SMC3: variants seen among roughly 807,000 people sequenced by gnomAD.
SMC3 encodes the protein structural maintenance of chromosomes 3.
Under a neutral mutation model 171.8 loss-of-function variants are expected in SMC3, and 20 were observed. That is an observed-to-expected ratio of 0.12 (90% CI 0.08 to 0.17). The LOEUF (loss-of-function observed/expected upper bound fraction) is 0.17. Ranked by LOEUF, SMC3 falls within the 10% of genes least tolerant of loss-of-function variation. The probability of loss-of-function intolerance (pLI) is 1.00; values close to 1 mark genes in which losing one functional copy is unlikely to be tolerated. For synonymous variants in SMC3, 464 were observed against 451.1 expected, an observed-to-expected ratio of 1.03 and a Z score of -0.36; for missense variants, 543 against 1,420.4, an observed-to-expected ratio of 0.38 and a Z score of 9.93.
chr10:110,592,704 A>G (rs1307680784), intron 17 of SMC3, among the ~76,000 whole-genome samples: 5 of 152,232 alleles, frequency 3.3e-5, no homozygotes, highest in African/African-American at 1.2e-4. Context: ...ACAACTTTAT[A>G]AGGAAGGTAT....
At chr10:110,572,344 C>T (rs1310999591) in intron 2 of SMC3, among the ~76,000 whole-genome samples, 1 of 152,160 alleles carries the variant, frequency 6.6e-6, no homozygotes, top group Non-Finnish European at 1.5e-5. Context: ...TTGACTGACC[C>T]AGAAGTGTTC....
intron 13 of SMC3, among the ~76,000 whole-genome samples, chr10:110,589,271 A>G (rs1011064731): frequency 2.0e-5 from 3 of 152,190 alleles, no homozygotes; most frequent in Admixed American, 6.5e-5. Context: ...GGATTTTTCA[A>G]CAGCATCATT....
intron 13 of SMC3, among the ~76,000 whole-genome samples, chr10:110,588,143 C>T (rs1280918004): frequency 6.6e-6 from 1 of 152,180 alleles, no homozygotes; most frequent in Non-Finnish European, 1.5e-5. Context: ...AGGCGTGTGC[C>T]ATCACGCCTG....
rs187705521 is a variant in SMC3 at position 110,597,360 on chromosome 10, A to T, written c.2117-779A>T. 1.4e-3 allele frequency among the ~76,000 whole-genome samples: 219 copies of T among 151,778 alleles called. 1 individual carries two copies. Among genetic ancestry groups the T allele is most frequent in the African/African-American group, 5.1e-3 (212 of 41,296 alleles). On this transcript the variant is annotated intron_variant, in intron 19 of 28. Transcript: ENST00000361804. ...AATTGTATATGTGGATTTTCTTAAA[A>T]CCACCATGGTGCTTTGGTATAAGAA...
chr10:110,568,685 C>G (rs992377524), intron 1 of SMC3, among the ~76,000 whole-genome samples: 9 of 151,790 alleles, frequency 5.9e-5, no homozygotes, highest in Non-Finnish European at 1.0e-4. Flanking sequence ...TTTGAAAGGT[C>G]CTTAACAGGT....
chr10:110,593,429 G>C (rs1861239281), intron 18 of SMC3, among the ~76,000 whole-genome samples: 1 of 152,092 alleles, frequency 6.6e-6, no homozygotes, highest in Non-Finnish European at 1.5e-5. Flanking sequence ...AAGATTAGCT[G>C]GGTGTGGTGG....
At chr10:110,568,257 C>G (rs1468688019) in intron 1 of SMC3, 1 of 221,318 alleles carries the variant, frequency 4.5e-6, no homozygotes, top group East Asian at 1.3e-4. Context: ...AAGGTGGCTT[C>G]CCCGGCCCGG....
At chr10:110,601,578 C>T in intron 23 of SMC3, 59 bp from the exon 24 acceptor site, 2 of 1,549,896 alleles carry the variant, frequency 1.3e-6, no homozygotes, top group Non-Finnish European at 1.8e-6. Context: ...AATCTATACT[C>T]AACATATAAC....
At chr10:110,581,656 A>G (rs80244634) in intron 8 of SMC3, among the ~76,000 whole-genome samples, 1 of 152,142 alleles carries the variant, frequency 6.6e-6, no homozygotes, top group South Asian at 2.1e-4. Flanking sequence ...CTAGCATTCC[A>G]TTATTGGAAT....
Position 110,601,122 on chromosome 10 carries a change from G to A in SMC3, c.2636G>A (p.Arg879Gln), listed in dbSNP as rs797045996. The change falls in exon 23 of 29, where the codon CGA (arginine) becomes CAA (glutamine). Residue 879 changes from arginine (R) to glutamine (Q), a missense_variant. Around this residue, in one of 8 missense-constraint regions of SMC3, gnomAD observed 81 missense variants for 184.2 expected, o/e 0.44. Coordinates refer to ENST00000361804, the MANE Select transcript of SMC3 (RefSeq NM_005445.4). Reference protein sequence around the residue: ...INKRVKDTMARSEDLDNSIDK... With the variant: ...INKRVKDTMAQSEDLDNSIDK... ...AAAAGAGTAAAAGACACTATGGCAC[G>A]ATCAGAAGGTGAATTTTTATGTAGT... 1.2e-6 allele frequency: 2 copies of A among 1,611,688 alleles called. No individual in the cohort carries two copies. Among genetic ancestry groups the A allele is most frequent in the African/African-American group, 1.3e-5 (1 of 75,012 alleles).
At position 110,605,282 on chromosome 10, in the gene SMC3, G is replaced by T. The variant is rs1443035517; in HGVS notation, c.*980G>T. On this transcript the variant is annotated 3_prime_UTR_variant, in exon 29 of 29. Transcript: ENST00000361804. The stretch of plus-strand genomic sequence containing the variant: ...TGAAAGTAGGTCTTTAAGCACTGGG[G>T]GTCTCCTGTGACCCTGGAAAACTAC... Among the ~76,000 whole-genome samples the T allele has an allele frequency of 1.3e-5, 2 of 152,000 alleles. No homozygotes were observed. Among genetic ancestry groups the T allele is most frequent in the Non-Finnish European group, 2.9e-5 (2 of 67,990 alleles).
intron 2 of SMC3, among the ~76,000 whole-genome samples, chr10:110,572,411 A>G (rs1860885835): frequency 6.6e-6 from 1 of 152,136 alleles, no homozygotes; most frequent in East Asian, 1.9e-4. Flanking sequence ...GGTATTGCAT[A>G]GTTGTCATGC....
rs78663177 is a variant in SMC3 at position 110,578,619 on chromosome 10, T to C, written c.351-9T>C. ...TTTATCGGAAAGTAATTTCATTGTT[T>C]GTCAACAGGAAAAATGATGTGATGA... On this transcript the variant is annotated splice_polypyrimidine_tract_variant and intron_variant, in intron 6 of 28. Coordinates refer to ENST00000361804, the MANE Select transcript of SMC3 (RefSeq NM_005445.4). 72,817 of 1,598,230 alleles carry C rather than the reference T, an allele frequency of 0.046. 1,974 individuals carry two copies. Among genetic ancestry groups the C allele is most frequent in the African/African-American group, 0.11 (8,074 of 74,778 alleles).
intron 18 of SMC3, among the ~76,000 whole-genome samples, chr10:110,594,530 C>G (rs1861264742): frequency 6.6e-6 from 1 of 152,040 alleles, no homozygotes. Flanking sequence ...AAGGGAAATG[C>G]TAAATCTCAT....
intron 2 of SMC3, among the ~76,000 whole-genome samples, chr10:110,569,811 A>G (rs1181817815): frequency 1.3e-5 from 2 of 152,240 alleles, no homozygotes; most frequent in East Asian, 1.9e-4. Context: ...ATATGTAGTC[A>G]TTATAGATTG....
chr10:110,570,439 T>C (rs79844440), intron 2 of SMC3, among the ~76,000 whole-genome samples: 1 of 143,458 alleles, frequency 7.0e-6, no homozygotes, highest in Non-Finnish European at 1.5e-5. Context: ...ACTTTTTTTT[T>C]CCCTGCTTGT....
chr10:110,568,144 C>T (rs1295686481), intron 1 of SMC3, among the ~76,000 whole-genome samples: 2 of 152,094 alleles, frequency 1.3e-5, no homozygotes, highest in Non-Finnish European at 2.9e-5. Context: ...TGGGTGGCCC[C>T]AGAGCTGGCG....
At chr10:110,597,013 A>G (rs1861310981) in intron 19 of SMC3, among the ~76,000 whole-genome samples, 1 of 152,008 alleles carries the variant, frequency 6.6e-6, no homozygotes, top group Admixed American at 6.6e-5. Context: ...GTACAGTGGC[A>G]CAGGCCTGTA....
chr10:110,602,427 A>G (rs1861401290), intron 25 of SMC3, 47 bp from the exon 26 acceptor site: 2 of 1,455,434 alleles, frequency 1.4e-6, no homozygotes, highest in Admixed American at 1.7e-5. Context: ...TAAGTGTTAT[A>G]TATAATTCTA....
Sources: gnomAD v4.1 joint callset for allele counts (sites outside exome capture counted in the v4.1 genomes callset) on GRCh38, gnomAD v4.1.1 for gene constraint, gnomAD v4.1.1 regional missense constraint, MANE v1.5 for transcripts, NCBI Gene and HGNC (gene_info 2026-07-23, HGNC 2026-07-21) for gene names.